PACRG: variants seen among roughly 807,000 people sequenced by gnomAD.
PACRG encodes parkin coregulated gene protein.
PACRG carries 29 observed loss-of-function variants against 29.7 expected under a neutral mutation model. The ratio of observed to expected loss-of-function variants is 0.98; its 90% CI spans 0.73 to 1.33. The LOEUF (loss-of-function observed/expected upper bound fraction) is 1.33. Ranked by LOEUF, PACRG falls within the 40% of genes most tolerant of loss-of-function variation. The probability of loss-of-function intolerance (pLI) is 0.00; values close to 1 mark genes in which losing one functional copy is unlikely to be tolerated. For synonymous variants in PACRG, 116 were observed against 118.7 expected (o/e 0.98, Z 0.15); for missense variants, 279 against 316.2 (o/e 0.88, Z 0.89).
chr6:163,165,926 C>A, intron 4 of PACRG: 1 of 363,078 alleles, frequency 2.8e-6, no homozygotes, highest in Non-Finnish European at 5.4e-6. Flanking sequence ...ATTAGCCATT[C>A]TTTAAAAACT....
chr6:163,068,842 A>G lies in PACRG; in HGVS notation c.463+6521A>G, dbSNP rs1293019813. On this transcript the variant is annotated intron_variant, in intron 3 of 4. Transcript: ENST00000366888. ...ATGTTTATTCTCTTATCTCTCTGTGAATATTTATTATAGATTTGTAGCGCT... is the reference window on the plus strand; with the variant it reads ...ATGTTTATTCTCTTATCTCTCTGTGGATATTTATTATAGATTTGTAGCGCT... Among the ~76,000 whole-genome samples the G allele has an allele frequency of 2.6e-5, 4 of 150,982 alleles. No homozygotes were observed. In the East Asian group the frequency reaches 7.8e-4, roughly 29 times the overall value.
chr6:162,909,649 T>C (rs1319475515), intron 2 of PACRG, among the ~76,000 whole-genome samples: 1 of 146,408 alleles, frequency 6.8e-6, no homozygotes, highest in African/African-American at 2.6e-5. Context: ...GATTTAGATA[T>C]GTATTTTCTA....
intron 1 of PACRG, among the ~76,000 whole-genome samples, chr6:162,753,650 C>T (rs564467489): frequency 8.0e-5 from 12 of 150,336 alleles, no homozygotes; most frequent in South Asian, 2.1e-4. Context: ...GGAGATAATT[C>T]GATCATTCCC....
At chr6:162,741,953 A>G (rs1780633975) in intron 1 of PACRG, among the ~76,000 whole-genome samples, 1 of 152,200 alleles carries the variant, frequency 6.6e-6, no homozygotes, top group Admixed American at 6.5e-5. Flanking sequence ...CAAGAATGCA[A>G]TTCATTGTGA....
At chr6:163,172,895 A>G (rs1779154704) in intron 4 of PACRG, among the ~76,000 whole-genome samples, 7 of 152,266 alleles carry the variant, frequency 4.6e-5, no homozygotes, top group Admixed American at 4.6e-4. Context: ...GTTTTTAATA[A>G]TAGTGAAAAA....
In PACRG at chr6:163,315,284, G is replaced by A; in HGVS notation, c.*297G>A. Reference sequence around the variant, plus strand: ...TCCGAGTTAAACCTTCAGTTGTATAGACAATAAACTATAATTTTCATATGC... The same window carrying A: ...TCCGAGTTAAACCTTCAGTTGTATAAACAATAAACTATAATTTTCATATGC... On this transcript the variant is annotated 3_prime_UTR_variant, in exon 5 of 5. Transcript: ENST00000366888. 4.1e-6 allele frequency: 1 copy of A among 246,562 alleles called. No homozygotes were observed. The highest frequency in any genetic ancestry group is 7.8e-6 in the Non-Finnish European group (1 of 128,724). 15.3% of individuals were successfully genotyped at this position (246,562 alleles called of 1,614,324 possible).
intron 2 of PACRG, among the ~76,000 whole-genome samples, chr6:162,937,534 G>C (rs1188091659): frequency 6.6e-6 from 1 of 152,180 alleles, no homozygotes; most frequent in African/African-American, 2.4e-5. Flanking sequence ...TATGTCTCGG[G>C]TGTTACTTTC....
chr6:162,973,444 C>A (rs1801693434), intron 2 of PACRG, among the ~76,000 whole-genome samples: 1 of 152,202 alleles, frequency 6.6e-6, no homozygotes, highest in Non-Finnish European at 1.5e-5. Context: ...CTGGTAGGAC[C>A]TCTCTCAGGG....
intron 4 of PACRG, among the ~76,000 whole-genome samples, chr6:163,171,984 C>A (rs1779110916): frequency 2.0e-5 from 3 of 152,198 alleles, no homozygotes; most frequent in African/African-American, 7.2e-5. Flanking sequence ...CAACCTGGCA[C>A]AAAAGTTAAT....
chr6:162,907,389 T>G (rs1292849105), intron 2 of PACRG, among the ~76,000 whole-genome samples: 1 of 152,170 alleles, frequency 6.6e-6, no homozygotes, highest in African/African-American at 2.4e-5. Flanking sequence ...CAATTTTTCT[T>G]TCAATTGGGC....
chr6:162,874,151 A>AAATATATATAT (rs67812561), intron 2 of PACRG, among the ~76,000 whole-genome samples: 1 of 136,312 alleles, frequency 7.3e-6, no homozygotes, highest in Non-Finnish European at 1.5e-5. Flanking sequence ...AAAAAAAAAA[A>AAATATATATAT]ATATATATAT....
chr6:162,826,868 A>G (rs575118587), intron 2 of PACRG, among the ~76,000 whole-genome samples: 1 of 152,354 alleles, frequency 6.6e-6, no homozygotes, highest in African/African-American at 2.4e-5. Flanking sequence ...CTTGAGAAGC[A>G]TTAACCCTTC....
chr6:162,997,881 T>C (rs553998837), intron 2 of PACRG, among the ~76,000 whole-genome samples: 1 of 152,336 alleles, frequency 6.6e-6, no homozygotes, highest in East Asian at 1.9e-4. Flanking sequence ...CTTATTGACT[T>C]GGAGGAGTTC....
intron 2 of PACRG, among the ~76,000 whole-genome samples, chr6:162,947,613 T>TAC (rs1799284879): frequency 6.7e-5 from 1 of 14,914 alleles, no homozygotes; most frequent in African/African-American, 2.1e-4. Context: ...TATATAATCA[T>TAC]ATATATATAT....
At chr6:163,215,675 T>A (rs969421622) in intron 4 of PACRG, among the ~76,000 whole-genome samples, 3 of 152,200 alleles carry the variant, frequency 2.0e-5, no homozygotes, top group African/African-American at 7.2e-5. Flanking sequence ...CTGTGGTGGT[T>A]AATGAGATCA....
intron 2 of PACRG, among the ~76,000 whole-genome samples, chr6:162,992,440 G>A (rs1348301628): frequency 6.7e-6 from 1 of 148,928 alleles, no homozygotes; most frequent in East Asian, 2.0e-4. Flanking sequence ...TCTATTCAGA[G>A]ATTCAACTTC....
At chr6:162,850,950 A>C (rs2128424877) in intron 2 of PACRG, among the ~76,000 whole-genome samples, 1 of 152,350 alleles carries the variant, frequency 6.6e-6, no homozygotes, top group African/African-American at 2.4e-5. Flanking sequence ...TGCCATCTCC[A>C]GGTGAACAGT....
chr6:163,286,117 C>A (rs1251809374), intron 4 of PACRG, among the ~76,000 whole-genome samples: 1 of 152,192 alleles, frequency 6.6e-6, no homozygotes, highest in African/African-American at 2.4e-5. Context: ...CATTTACTGA[C>A]AATTCATGCT....
intron 2 of PACRG, among the ~76,000 whole-genome samples, chr6:163,025,106 A>G (rs186916172): frequency 1.1e-3 from 160 of 152,336 alleles, no homozygotes; most frequent in Admixed American, 2.7e-3. Flanking sequence ...AGAGCCATCT[A>G]TGACAAACCC....
Sources: gnomAD v4.1 joint callset for allele counts (sites outside exome capture counted in the v4.1 genomes callset) on GRCh38, gnomAD v4.1.1 for gene constraint, MANE v1.5 for transcripts, NCBI Gene and HGNC (gene_info 2026-07-23, HGNC 2026-07-21) for gene names.